Variants in MTCH2 observed in about 807,000 individuals in gnomAD.
MTCH2 encodes mitochondrial carrier homolog 2.
A neutral mutation model predicts 50.6 loss-of-function variants in MTCH2; 25 were observed. The ratio of observed to expected loss-of-function variants is 0.49; its 90% CI spans 0.36 to 0.69. The LOEUF (loss-of-function observed/expected upper bound fraction) is 0.69. MTCH2 is among the 30% of genes least tolerant of loss of function. The pLI is 0.00. For synonymous variants in MTCH2, 106 were observed against 132.0 expected, an observed-to-expected ratio of 0.80 and a Z score of 1.35; for missense variants, 273 against 384.4, an observed-to-expected ratio of 0.71 and a Z score of 2.42.
intron 5 of MTCH2, among the ~76,000 whole-genome samples, chr11:47,632,201 C>T (rs1244225559): frequency 1.3e-5 from 2 of 152,016 alleles, no homozygotes; most frequent in African/African-American, 4.8e-5. Context: ...TGACTACAAC[C>T]CAGTAACTGT....
chr11:47,636,255 G>A (rs766465400), intron 3 of MTCH2, among the ~76,000 whole-genome samples: 16 of 152,276 alleles, frequency 1.1e-4, no homozygotes, highest in Non-Finnish European at 2.1e-4. Flanking sequence ...CCTACGTGGT[G>A]AAACTCCATC....
At position 47,618,305 on chromosome 11, in the gene MTCH2, G is replaced by C. The variant is rs183307152; in HGVS notation, c.*528C>G. The C allele has an allele frequency of 4.5e-5, 8 of 177,050 alleles. No individual in the cohort carries two copies. The highest frequency in any genetic ancestry group is 7.0e-5 in the Non-Finnish European group (6 of 85,874). 11.0% of individuals were successfully genotyped at this position (177,050 alleles called of 1,614,324 possible). On this transcript the variant is annotated 3_prime_UTR_variant, in exon 13 of 13. Coordinates refer to ENST00000302503, the MANE Select transcript of MTCH2 (RefSeq NM_014342.4). Reference sequence around the variant, plus strand: ...TTCTAGGGTAATGTAGCAATGTACTGTCCTTTTCTTGAAGTATGAGAGACA... The same window carrying C: ...TTCTAGGGTAATGTAGCAATGTACTCTCCTTTTCTTGAAGTATGAGAGACA...
In MTCH2 at chr11:47,625,663, A is replaced by G. The variant is rs779911649; in HGVS notation, c.749+11T>C. On this transcript the variant is annotated intron_variant, in intron 11 of 12. Coordinates refer to ENST00000302503, the MANE Select transcript of MTCH2 (RefSeq NM_014342.4). ...AACCACCTACTAGAATAAGAAATAC[A>G]AAGTGCTTACCCACAGTTGTTGACA... 4.0e-6 allele frequency: 5 copies of G among 1,248,804 alleles called. No individual in the cohort carries two copies. The South Asian group carries it at 1.0e-4, about 26-fold the overall frequency. 77.4% of individuals were successfully genotyped at this position (1,248,804 alleles called of 1,614,324 possible).
chr11:47,615,894 G>A (rs1439174339), downstream of MTCH2, among the ~76,000 whole-genome samples: 1 of 151,976 alleles, frequency 6.6e-6, no homozygotes, highest in African/African-American at 2.4e-5. Context: ...AAATTGCTGG[G>A]ATTACTAAGG....
At chr11:47,642,246 T>G in intron 1 of MTCH2, 133 bp downstream of exon 1, 4 of 748,676 alleles carry the variant, frequency 5.3e-6, no homozygotes, top group South Asian at 4.3e-5. Flanking sequence ...TGCGGGGAGG[T>G]AAAGGGCAGC....
intron 1 of MTCH2, among the ~76,000 whole-genome samples, chr11:47,640,660 C>T (rs2097313256): frequency 6.6e-6 from 1 of 152,110 alleles, no homozygotes; most frequent in Non-Finnish European, 1.5e-5. Flanking sequence ...AGGTGAACCG[C>T]CTGTTTCAGG....
Position 47,631,098 on chromosome 11 carries a change from T to C in MTCH2, c.428-11A>G, listed in dbSNP as rs752861625. On this transcript the variant is annotated splice_polypyrimidine_tract_variant and intron_variant, in intron 6 of 12. Coordinates refer to ENST00000302503, the MANE Select transcript of MTCH2 (RefSeq NM_014342.4). Reference sequence around the variant, plus strand: ...ATCTCAGAGTGATCACTGTGGAATATAGAGAAAAGATGTTTACAACTATGT... The same window carrying C: ...ATCTCAGAGTGATCACTGTGGAATACAGAGAAAAGATGTTTACAACTATGT... 2.5e-6 allele frequency: 4 copies of C among 1,610,358 alleles called. No individual in the cohort carries two copies. Among genetic ancestry groups the C allele is most frequent in the Non-Finnish European group, 3.4e-6 (4 of 1,176,994 alleles).
chr11:47,631,604 AG>A (rs763342157), intron 6 of MTCH2, 49 bp downstream of exon 6: 116 of 1,580,242 alleles, frequency 7.3e-5, no homozygotes, highest in Non-Finnish European at 9.7e-5. Context: ...CTAAGTGGTC[AG>A]GAGAGATCAG....
intron 8 of MTCH2, among the ~76,000 whole-genome samples, chr11:47,630,090 G>A (rs1056897876): frequency 2.6e-4 from 40 of 152,228 alleles, no homozygotes; most frequent in African/African-American, 9.1e-4. Context: ...GTACAGTGGT[G>A]CAATCTCAGC....
intron 3 of MTCH2, 110 bp downstream of exon 3, chr11:47,638,589 A>AAAGG (rs1224244001): frequency 1.4e-6 from 1 of 695,366 alleles, no homozygotes; most frequent in Admixed American, 3.4e-5. Flanking sequence ...CAAGAGGAAG[A>AAAGG]AAGGACAGGG....
At chr11:47,610,758 C>G in the MTCH2 span, among the ~76,000 whole-genome samples, 1 of 151,934 alleles carries the variant, frequency 6.6e-6, no homozygotes, top group Non-Finnish European at 1.5e-5. Context: ...ACATGAGGAG[C>G]CTGAGGCTTA....
downstream of MTCH2, among the ~76,000 whole-genome samples, chr11:47,612,466 C>T (rs1470280659): frequency 6.6e-6 from 1 of 151,906 alleles, no homozygotes; most frequent in African/African-American, 2.4e-5. Flanking sequence ...TACTTGGGGG[C>T]TGACGCAGAA....
At chr11:47,628,814 G>A in intron 9 of MTCH2, 139 bp downstream of exon 9, 1 of 634,626 alleles carries the variant, frequency 1.6e-6, no homozygotes. Flanking sequence ...TTGATCTCAG[G>A]TGATCCGCCC....
At chr11:47,635,624 G>A in intron 3 of MTCH2, 53 bp from the exon 4 acceptor site, 7 of 1,531,038 alleles carry the variant, frequency 4.6e-6, no homozygotes, top group South Asian at 1.2e-5. Context: ...TCATGTGAAA[G>A]AAGACATAAA....
chr11:47,624,377 C>A (rs2097296130), intron 11 of MTCH2, among the ~76,000 whole-genome samples: 1 of 152,152 alleles, frequency 6.6e-6, no homozygotes, highest in Admixed American at 6.6e-5. Context: ...TTTCCATAGA[C>A]TAAATATCCT....
chr11:47,605,224 G>A, the MTCH2 span, among the ~76,000 whole-genome samples: 12 of 152,042 alleles, frequency 7.9e-5, no homozygotes, highest in Non-Finnish European at 1.3e-4. Flanking sequence ...CACCGTGCCC[G>A]GCTGTCTCCC....
At position 47,628,946 on chromosome 11, in the gene MTCH2, AACCT is replaced by A; in HGVS notation, c.633+3_633+6del. On this transcript the variant is annotated splice_donor_5th_base_variant and intron_variant, in intron 9 of 12. Transcript: ENST00000302503. ...GGTGAGCACATCTCACGAAGGTCAC[AACCT>A]ACCCCACTGTCCAGTGCATAGGTAT... is the stretch of plus-strand genomic sequence containing the variant. The A allele has an allele frequency of 6.2e-7, 1 of 1,611,898 alleles. No individual in the cohort carries two copies. The highest frequency in any genetic ancestry group is 8.5e-7 in the Non-Finnish European group (1 of 1,178,210).
At chr11:47,625,645 T>C in intron 11 of MTCH2, 29 bp downstream of exon 11, 1 of 1,226,142 alleles carries the variant, frequency 8.2e-7, no homozygotes, top group Non-Finnish European at 1.0e-6. Flanking sequence ...GTCAACCACC[T>C]ACTAGAATAA....
At position 47,630,620 on chromosome 11, in the gene MTCH2, T is replaced by C; in HGVS notation, c.480-6A>G. 2 of 1,606,172 alleles carry C rather than the reference T, an allele frequency of 1.2e-6. No individual in the cohort carries two copies. Among genetic ancestry groups the C allele is most frequent in the Non-Finnish European group, 1.7e-6 (2 of 1,173,532 alleles). ...TTATGGAATCACAAAGTCCACTACG[T>C]ACACAAGAAGAAAAGGTAAAATATA... is the stretch of plus-strand genomic sequence containing the variant. On this transcript the variant is annotated splice_polypyrimidine_tract_variant and splice_region_variant and intron_variant, in intron 7 of 12. Transcript: ENST00000302503.
Sources: allele counts gnomAD v4.1 joint callset (sites outside exome capture counted in the v4.1 genomes callset), GRCh38; gene constraint gnomAD v4.1.1; transcripts MANE v1.5; gene names NCBI Gene and HGNC (gene_info 2026-07-23, HGNC 2026-07-21).